Variants in C1orf115 observed in about 807,000 individuals in gnomAD.
C1orf115 encodes chromosome 1 open reading frame 115.
Under a neutral mutation model 12.5 loss-of-function variants are expected in C1orf115, and 14 were observed. That is an observed-to-expected ratio of 1.12 (90% confidence interval 0.74 to 1.75). The LOEUF (loss-of-function observed/expected upper bound fraction) is 1.75. Ranked by LOEUF, C1orf115 falls within the 40% of genes most tolerant of loss-of-function variation. C1orf115 has a pLI of 0.00. For missense variants in C1orf115, 237 were observed against 220.8 expected (o/e 1.07, Z -0.46); for synonymous variants, 109 against 104.6 (o/e 1.04, Z -0.26).
chr1:220,696,763 G>A lies in C1orf115; in HGVS notation c.*32G>A, dbSNP rs1308586141. 6.4e-7 allele frequency: 1 copy of A among 1,556,108 alleles called. No homozygotes were observed. Among genetic ancestry groups the A allele is most frequent in the Non-Finnish European group, 8.8e-7 (1 of 1,137,042 alleles). On this transcript the variant is annotated 3_prime_UTR_variant, in exon 2 of 2. Coordinates refer to ENST00000294889, the MANE Select transcript of C1orf115 (RefSeq NM_024709.5). ...CTGCTGTGGCAGGTGCCCCCAGAGT[G>A]AACGGGAGCCCCTGCTGTGGGAACT... is the stretch of plus-strand genomic sequence containing the variant.
At chr1:220,691,167 T>G (rs1297334803) in intron 1 of C1orf115, among the ~76,000 whole-genome samples, 4 of 152,156 alleles carry the variant, frequency 2.6e-5, no homozygotes, top group African/African-American at 9.7e-5. Context: ...TGGGTTACTC[T>G]CCCAAATATT....
In C1orf115 at chr1:220,690,807, T is replaced by G. The variant is rs370998488; in HGVS notation, c.309+96T>G. On this transcript the variant is annotated intron_variant, in intron 1 of 1. Transcript: ENST00000294889. ...CCTTACCATCGACTCACCCAGTTTC[T>G]CCGGGCTGCACCTGCGACCCCTCCG... 55 of 1,414,946 alleles carry G rather than the reference T, an allele frequency of 3.9e-5. 1 individual carries two copies. The African/African-American group carries it at 6.4e-4, about 17-fold the overall frequency. 87.6% of individuals were successfully genotyped at this position (1,414,946 alleles called of 1,614,324 possible).
chr1:220,692,944 A>C (rs1274282355), intron 1 of C1orf115, among the ~76,000 whole-genome samples: 1 of 152,126 alleles, frequency 6.6e-6, no homozygotes, highest in Non-Finnish European at 1.5e-5. Flanking sequence ...AGTTCAATGG[A>C]CCCAGGAGGC....
Position 220,690,724 on chromosome 1 carries a change from C to T in C1orf115, c.309+13C>T. 3 of 1,571,546 alleles carry T rather than the reference C, an allele frequency of 1.9e-6. No homozygotes were observed. Among genetic ancestry groups the T allele is most frequent in the Admixed American group, 1.8e-5 (1 of 54,754 alleles). ...GAAGTACGGCAAGGTAGGGGCCCTG[C>T]GCCACCACTGCCCGGGGGGCGCGGG... On this transcript the variant is annotated intron_variant, in intron 1 of 1. Transcript: ENST00000294889.
At position 220,697,150 on chromosome 1, in the gene C1orf115, G is replaced by T. The variant is rs1016911708; in HGVS notation, c.*419G>T. 2.0e-5 allele frequency: 3 copies of T among 153,712 alleles called. No individual in the cohort carries two copies. Among genetic ancestry groups the T allele is most frequent in the African/African-American group, 7.2e-5 (3 of 41,454 alleles). 9.5% of individuals were successfully genotyped at this position (153,712 alleles called of 1,614,324 possible). On this transcript the variant is annotated 3_prime_UTR_variant, in exon 2 of 2. Transcript: ENST00000294889. The surrounding 1 kb of genome is among the most constrained non-coding windows in gnomAD (Gnocchi z 4.5). Reference sequence around the variant, plus strand: ...ATGATTTGCTGTATTCTCCTGAAAGGTCGTAGGCTGACAGGCGCTCACATT... The same window carrying T: ...ATGATTTGCTGTATTCTCCTGAAAGTTCGTAGGCTGACAGGCGCTCACATT...
chr1:220,690,684 C>G lies in C1orf115; in HGVS notation c.282C>G (p.Tyr94Ter). Residue 94 changes from tyrosine to a stop codon, truncating the protein, a stop_gained, in exon 1 of 2, where the codon TAC becomes TAG. Transcript: ENST00000294889. LOFTEE classifies it high-confidence loss of function. ...PAPSEQPRKR[Y>*]RRKLKKYGKN... ...CGAGCGAGCAGCCCAGGAAGAGGTA[C>G]CGGAGGAAGCTGAAGAAGTACGGCA... The G allele has an allele frequency of 6.3e-7, 1 of 1,595,412 alleles. No homozygotes were observed. The highest frequency in any genetic ancestry group is 8.5e-7 in the Non-Finnish European group (1 of 1,172,260).
At position 220,696,784 on chromosome 1, in the gene C1orf115, G is replaced by A; in HGVS notation, c.*53G>A. On this transcript the variant is annotated 3_prime_UTR_variant, in exon 2 of 2. Transcript: ENST00000294889. Reference sequence around the variant, plus strand: ...GAGTGAACGGGAGCCCCTGCTGTGGGAACTTTGTGAATCCTGGAGCATCTC... The same window carrying A: ...GAGTGAACGGGAGCCCCTGCTGTGGAAACTTTGTGAATCCTGGAGCATCTC... 6.5e-7 allele frequency: 1 copy of A among 1,531,594 alleles called. No homozygotes were observed. Among genetic ancestry groups the A allele is most frequent in the South Asian group, 1.2e-5 (1 of 80,730 alleles). 94.9% of individuals were successfully genotyped at this position (1,531,594 alleles called of 1,614,324 possible). A position where few individuals can be genotyped will look rare whatever the true frequency, so the allele number is the denominator to read the frequency against.
intron 1 of C1orf115, among the ~76,000 whole-genome samples, chr1:220,694,771 A>C (rs1023840511): frequency 2.0e-5 from 3 of 152,212 alleles, no homozygotes; most frequent in Non-Finnish European, 4.4e-5. Flanking sequence ...TTGAGTCTGA[A>C]CTAAAGAGTT....
At chr1:220,696,233 G>A (rs1357962961) in intron 1 of C1orf115, among the ~76,000 whole-genome samples, 1 of 152,218 alleles carries the variant, frequency 6.6e-6, no homozygotes, top group East Asian at 1.9e-4. Context: ...CCTTCTGACG[G>A]TCCAGTAATT....
At chr1:220,695,336 T>A (rs556268204) in intron 1 of C1orf115, among the ~76,000 whole-genome samples, 2 of 151,218 alleles carry the variant, frequency 1.3e-5, no homozygotes, top group Non-Finnish European at 3.0e-5. Context: ...AAGATCAAGG[T>A]GGGAGAAGGC....
At position 220,697,054 on chromosome 1, in the gene C1orf115, C is replaced by G. The variant is rs1042259771; in HGVS notation, c.*323C>G. 1 of 201,602 alleles carries G rather than the reference C, an allele frequency of 5.0e-6. No individual in the cohort carries two copies. Among genetic ancestry groups the G allele is most frequent in the East Asian group, 1.1e-4 (1 of 8,946 alleles). 12.5% of individuals were successfully genotyped at this position (201,602 alleles called of 1,614,324 possible). On this transcript the variant is annotated 3_prime_UTR_variant, in exon 2 of 2. Coordinates refer to ENST00000294889, the MANE Select transcript of C1orf115 (RefSeq NM_024709.5). This position sits in a 1 kb window ranked among gnomAD's most constrained non-coding sequence, Gnocchi z 4.5. ...CACTGGGGCGGAAGCCAACACTCAA[C>G]AGATGCAAGCAGTGTGGGTGTGCAG...
intron 1 of C1orf115, among the ~76,000 whole-genome samples, chr1:220,695,494 GTT>G (rs10602094): frequency 0.03 from 3,467 of 116,288 alleles, 51 homozygotes; most frequent in Middle Eastern, 0.059. Context: ...CGATGTCTGG[GTT>G]TTTTTTTTTT....
chr1:220,695,242 G>C (rs999653271), intron 1 of C1orf115, among the ~76,000 whole-genome samples: 2 of 152,162 alleles, frequency 1.3e-5, no homozygotes, highest in Admixed American at 6.5e-5. Context: ...AGGATATGGA[G>C]TCACGGTGAT....
Position 220,697,293 on chromosome 1 carries a change from A to T in C1orf115, c.*562A>T, listed in dbSNP as rs1670209844. 6.6e-6 allele frequency: 1 copy of T among 152,144 alleles called. No individual in the cohort carries two copies. Among genetic ancestry groups the T allele is most frequent in the Admixed American group, 6.6e-5 (1 of 15,264 alleles). The allele number at this position is 152,144 out of a possible 1,614,324, so 9.4% of individuals were successfully genotyped here. A position where few individuals can be genotyped will look rare whatever the true frequency, so the allele number is the denominator to read the frequency against. On this transcript the variant is annotated 3_prime_UTR_variant, in exon 2 of 2. Coordinates refer to ENST00000294889, the MANE Select transcript of C1orf115 (RefSeq NM_024709.5). This position sits in a 1 kb window ranked among gnomAD's most constrained non-coding sequence, Gnocchi z 4.5. The stretch of plus-strand genomic sequence containing the variant: ...GAGTTTAATTACAGGCTTGAGGAGA[A>T]GAAAGGAAGAAAAGATATCTTGATG...
In C1orf115 at chr1:220,697,177, C is replaced by T. The variant is rs796468769; in HGVS notation, c.*446C>T. The stretch of plus-strand genomic sequence containing the variant: ...CGTAGGCTGACAGGCGCTCACATTC[C>T]TTGGCTGCCTCGGTTCTGAGGGCAG... On this transcript the variant is annotated 3_prime_UTR_variant, in exon 2 of 2. Coordinates refer to ENST00000294889, the MANE Select transcript of C1orf115 (RefSeq NM_024709.5). This position sits in a 1 kb window ranked among gnomAD's most constrained non-coding sequence, Gnocchi z 4.5. 3.3e-5 allele frequency: 5 copies of T among 152,668 alleles called. No individual in the cohort carries two copies. Among genetic ancestry groups the T allele is most frequent in the African/African-American group, 1.2e-4 (5 of 41,486 alleles). The allele number at this position is 152,668 out of a possible 1,614,324, so 9.5% of individuals were successfully genotyped here. A position where few individuals can be genotyped will look rare whatever the true frequency, so the allele number is the denominator to read the frequency against.
At chr1:220,690,851 C>T in intron 1 of C1orf115, 140 bp downstream of exon 1, 3 of 1,059,840 alleles carry the variant, frequency 2.8e-6, no homozygotes, top group Non-Finnish European at 3.9e-6. Flanking sequence ...CCCATTCCCT[C>T]GCCGGAGGGA....
At chr1:220,696,547 A>G in intron 1 of C1orf115, 65 bp from the exon 2 acceptor site, 1 of 1,477,906 alleles carries the variant, frequency 6.8e-7, no homozygotes, top group Admixed American at 2.0e-5. Context: ...TTTTCATGAA[A>G]GATGGCAGAA....
At position 220,697,511 on chromosome 1, in the gene C1orf115, C is replaced by CT. The variant is rs1670213033; in HGVS notation, c.*782dup. ...GGGCTCTTCTGCCTGGCATTGCCCACTTCGGCCCAGCCACGTGTTTGCAGC... is the reference window on the plus strand; with the variant it reads ...GGGCTCTTCTGCCTGGCATTGCCCACTTTCGGCCCAGCCACGTGTTTGCAGC... On this transcript the variant is annotated 3_prime_UTR_variant, in exon 2 of 2. Transcript: ENST00000294889. This position sits in a 1 kb window ranked among gnomAD's most constrained non-coding sequence, Gnocchi z 4.5. 1 of 152,248 alleles carries CT rather than the reference C, an allele frequency of 6.6e-6. No individual in the cohort carries two copies. Among genetic ancestry groups the CT allele is most frequent in the Non-Finnish European group, 1.5e-5 (1 of 68,088 alleles). 9.4% of individuals were successfully genotyped at this position (152,248 alleles called of 1,614,324 possible). A position where few individuals can be genotyped will look rare whatever the true frequency, so the allele number is the denominator to read the frequency against.
chr1:220,691,992 C>T (rs2102516303), intron 1 of C1orf115, among the ~76,000 whole-genome samples: 2 of 152,286 alleles, frequency 1.3e-5, no homozygotes, highest in East Asian at 3.9e-4. Context: ...CTTGTAAACT[C>T]AGGGAAGTTT....
Sources: allele counts gnomAD v4.1 joint callset (sites outside exome capture counted in the v4.1 genomes callset), GRCh38; gene constraint gnomAD v4.1.1; non-coding constraint Gnocchi (gnomAD v3.1); transcripts MANE v1.5; gene names NCBI Gene and HGNC (gene_info 2026-07-23, HGNC 2026-07-21).